WDR70: variants seen among roughly 807,000 people sequenced by gnomAD.
WDR70 encodes the protein WD repeat domain 70, also known as WD repeat-containing protein 70.
Under a neutral mutation model 88.6 loss-of-function variants are expected in WDR70, and 53 were observed. That is an observed-to-expected ratio of 0.60 (90% CI 0.48 to 0.75). The LOEUF (loss-of-function observed/expected upper bound fraction) is 0.75. WDR70 is among the 30% of genes least tolerant of loss of function. WDR70 has a pLI of 0.00. For synonymous variants in WDR70, 280 were observed against 270.0 expected (o/e 1.04, Z -0.36); for missense variants, 610 against 823.2 (o/e 0.74, Z 3.17).
intron 17 of WDR70, among the ~76,000 whole-genome samples, chr5:37,743,781 AG>A (rs1748560379): frequency 6.6e-6 from 1 of 152,196 alleles, no homozygotes. Flanking sequence ...CCTGGGCCTG[AG>A]CCCCTAGCAG....
chr5:37,725,598 G>T (rs930525578), intron 16 of WDR70, among the ~76,000 whole-genome samples: 3 of 152,068 alleles, frequency 2.0e-5, no homozygotes, highest in African/African-American at 7.2e-5. Flanking sequence ...TTCATTTTCT[G>T]TTATCATCTG....
rs1042484813 is a variant in WDR70 at position 37,531,600 on chromosome 5, T to C, written c.917+15010T>C. Among the ~76,000 whole-genome samples the C allele has an allele frequency of 4.0e-5, 6 of 149,146 alleles. No homozygotes were observed. In the South Asian group the frequency reaches 8.6e-4, roughly 21 times the overall value. On this transcript the variant is annotated intron_variant, in intron 9 of 17. Transcript: ENST00000265107. Reference sequence around the variant, plus strand: ...TTTAAAGTTTTTCTTTTTTTTTTTTTTTTTTTTGTCTGATATAAGACTAGC... The same window carrying C: ...TTTAAAGTTTTTCTTTTTTTTTTTTCTTTTTTTGTCTGATATAAGACTAGC...
chr5:37,686,965 A>G (rs909809513), intron 10 of WDR70, among the ~76,000 whole-genome samples: 5 of 149,738 alleles, frequency 3.3e-5, no homozygotes, highest in Non-Finnish European at 3.0e-5. Flanking sequence ...AATAATAATA[A>G]TAATAATAAT....
chr5:37,564,234 C>T (rs538766982), intron 9 of WDR70, among the ~76,000 whole-genome samples: 1 of 152,010 alleles, frequency 6.6e-6, no homozygotes, highest in African/African-American at 2.4e-5. Context: ...AGCCTGGGCA[C>T]CATTGAGCAC....
intron 10 of WDR70, among the ~76,000 whole-genome samples, chr5:37,693,465 A>T (rs1367240577): frequency 6.6e-6 from 1 of 151,992 alleles, no homozygotes; most frequent in Non-Finnish European, 1.5e-5. Flanking sequence ...AAACTATAGT[A>T]CAAGGTTACA....
chr5:37,605,571 A>G (rs1460155093), intron 10 of WDR70, among the ~76,000 whole-genome samples: 2 of 152,216 alleles, frequency 1.3e-5, no homozygotes, highest in Non-Finnish European at 2.9e-5. Flanking sequence ...ATAGTAATAT[A>G]AAACAACACT....
chr5:37,696,233 A>G (rs1353692924), intron 10 of WDR70, among the ~76,000 whole-genome samples: 5 of 152,318 alleles, frequency 3.3e-5, no homozygotes, highest in Non-Finnish European at 7.3e-5. Context: ...GTATCCATGA[A>G]AGATGGAAGC....
At chr5:37,534,499 CTT>C (rs369030841) in intron 9 of WDR70, among the ~76,000 whole-genome samples, 3 of 133,174 alleles carry the variant, frequency 2.3e-5, no homozygotes, top group Non-Finnish European at 1.6e-5. Flanking sequence ...ACAAATCAGG[CTT>C]TTTTTTTTTT....
At chr5:37,708,607 A>T in intron 13 of WDR70, among the ~76,000 whole-genome samples, 1 of 152,172 alleles carries the variant, frequency 6.6e-6, no homozygotes, top group East Asian at 1.9e-4. Flanking sequence ...TTGAAGAGGA[A>T]GACTAAATGG....
intron 10 of WDR70, among the ~76,000 whole-genome samples, chr5:37,660,808 A>G (rs1745681623): frequency 6.6e-6 from 1 of 152,210 alleles, no homozygotes. Context: ...AGTTGGCCCA[A>G]CATATATTCA....
intron 10 of WDR70, among the ~76,000 whole-genome samples, chr5:37,614,565 A>G (rs1744278201): frequency 6.6e-6 from 1 of 152,208 alleles, no homozygotes; most frequent in Non-Finnish European, 1.5e-5. Context: ...ATTATATGAA[A>G]TTCAAATTTC....
At chr5:37,586,562 C>T (rs2112437147) in intron 9 of WDR70, among the ~76,000 whole-genome samples, 1 of 152,178 alleles carries the variant, frequency 6.6e-6, no homozygotes, top group African/African-American at 2.4e-5. Flanking sequence ...CTCCCCTAGC[C>T]CCCCACCCAC....
At chr5:37,722,821 A>G in intron 14 of WDR70, 34 bp from the exon 15 acceptor site, 3 of 1,602,876 alleles carry the variant, frequency 1.9e-6, no homozygotes, top group African/African-American at 2.7e-5. Flanking sequence ...TCTAAGACCA[A>G]GTAAAGAAAA....
chr5:37,470,703 C>G (rs1356395349), intron 7 of WDR70, among the ~76,000 whole-genome samples: 1 of 152,052 alleles, frequency 6.6e-6, no homozygotes, highest in Non-Finnish European at 1.5e-5. Context: ...GAATATATAT[C>G]TACTTAGCTA....
intron 14 of WDR70, chr5:37,722,070 G>A (rs1403442391): frequency 6.6e-6 from 1 of 152,080 alleles, no homozygotes; most frequent in Admixed American, 6.5e-5. Flanking sequence ...AGAGCTTCCT[G>A]GACTAGAGTT....
chr5:37,479,699 G>A (rs911175095), intron 7 of WDR70, 135 bp from the exon 8 acceptor site: 3 of 1,061,270 alleles, frequency 2.8e-6, no homozygotes, highest in Non-Finnish European at 4.1e-6. Flanking sequence ...CCCATTTGAG[G>A]TTGATGTTCC....
In WDR70 at chr5:37,729,630, C is replaced by T. The variant is rs1748086442; in HGVS notation, c.1877+2585C>T. Among the ~76,000 whole-genome samples, 3 of 152,198 alleles carry T rather than the reference C, an allele frequency of 2.0e-5. No homozygotes were observed. The South Asian group carries it at 6.2e-4, about 31-fold the overall frequency. ...CTATCTGCATGGCATAGTTTGTTTA[C>T]AGTTCTTCTTGTCTTTAGCCTTAAA... On this transcript the variant is annotated intron_variant, in intron 17 of 17. Transcript: ENST00000265107.
At chr5:37,703,775 A>G (rs1747237855) in intron 13 of WDR70, among the ~76,000 whole-genome samples, 3 of 152,200 alleles carry the variant, frequency 2.0e-5, no homozygotes, top group African/African-American at 4.8e-5. Context: ...TTTAAGCTGT[A>G]TATTATTATT....
At chr5:37,404,139 C>T (rs1410953920) in intron 5 of WDR70, among the ~76,000 whole-genome samples, 1 of 152,160 alleles carries the variant, frequency 6.6e-6, no homozygotes, top group Non-Finnish European at 1.5e-5. Flanking sequence ...TTCAGTATAA[C>T]TGTAGTGGAA....
Sources: allele counts gnomAD v4.1 joint callset (sites outside exome capture counted in the v4.1 genomes callset), GRCh38; gene constraint gnomAD v4.1.1; transcripts MANE v1.5; gene names NCBI Gene and HGNC (gene_info 2026-07-23, HGNC 2026-07-21).